Variants in RBFOX1 observed in about 807,000 individuals in gnomAD.
The protein encoded by RBFOX1 is RNA binding protein fox-1 homolog 1.
Under a neutral mutation model 57.7 loss-of-function variants are expected in RBFOX1, and 8 were observed. That is an observed-to-expected ratio of 0.14 (90% confidence interval 0.08 to 0.25). RBFOX1 has a LOEUF of 0.25. RBFOX1 is among the 10% of genes least tolerant of loss of function. RBFOX1 has a pLI of 1.00. For missense variants in RBFOX1, 611 were observed against 548.5 expected, an observed-to-expected ratio of 1.11 and a Z score of -1.14; for synonymous variants, 326 against 222.4, an observed-to-expected ratio of 1.47 and a Z score of -4.15.
chr16:6,687,888 G>GT (rs1206211674), intron 3 of RBFOX1, among the ~76,000 whole-genome samples: 1 of 152,202 alleles, frequency 6.6e-6, no homozygotes, highest in Non-Finnish European at 1.5e-5. Flanking sequence ...TGATGACACA[G>GT]TGAATGCATG....
At chr16:5,597,705 C>A (rs182179396) in intron 2 of RBFOX1, among the ~76,000 whole-genome samples, 2 of 152,254 alleles carry the variant, frequency 1.3e-5, no homozygotes, top group Non-Finnish European at 2.9e-5. Context: ...ATTGCTGACA[C>A]TTTTGAGGCA....
At chr16:7,554,122 A>G (rs898580299) in intron 5 of RBFOX1, among the ~76,000 whole-genome samples, 2 of 152,182 alleles carry the variant, frequency 1.3e-5, no homozygotes, top group African/African-American at 2.4e-5. Context: ...AAAGAAGACA[A>G]TGACCCAGAT....
At chr16:7,029,052 A>G (rs1388422164) in intron 3 of RBFOX1, among the ~76,000 whole-genome samples, 1 of 18,768 alleles carries the variant, frequency 5.3e-5, no homozygotes, top group African/African-American at 2.3e-4. Context: ...AAAGCTATAT[A>G]TATATATATA....
rs893092426 is a variant in RBFOX1, at chr16:5,848,558, C to G, written c.319-18745C>G. Among the ~76,000 whole-genome samples the G allele has an allele frequency of 2.6e-5, 4 of 152,134 alleles. No homozygotes were observed. In the East Asian group the frequency reaches 5.8e-4, roughly 22 times the overall value. ...AAAGTTTATACCCAGCACAATCATC[C>G]TAATTGTAACGGATGAGTAGTGATT... On this transcript the variant is annotated intron_variant, in intron 3 of 19. Transcript: ENST00000641259.
At chr16:6,671,909 AG>A (rs1053720311) in intron 3 of RBFOX1, among the ~76,000 whole-genome samples, 2 of 152,248 alleles carry the variant, frequency 1.3e-5, no homozygotes, top group Admixed American at 1.3e-4. Context: ...TCACACGCCA[AG>A]TTGCCTTTAA....
intron 3 of RBFOX1, among the ~76,000 whole-genome samples, chr16:5,736,441 G>T (rs2052574710): frequency 6.6e-6 from 1 of 151,836 alleles, no homozygotes; most frequent in Non-Finnish European, 1.5e-5. Context: ...GGCCATATGG[G>T]GCTGCTGCTT....
At chr16:6,169,935 T>C (rs2096946682) in intron 1 of RBFOX1, among the ~76,000 whole-genome samples, 1 of 152,130 alleles carries the variant, frequency 6.6e-6, no homozygotes, top group Non-Finnish European at 1.5e-5. Flanking sequence ...TGACTAGTTT[T>C]TGTATTTTTT....
chr16:5,940,182 G>A (rs1173506585), intron 4 of RBFOX1, among the ~76,000 whole-genome samples: 3 of 152,186 alleles, frequency 2.0e-5, no homozygotes, highest in African/African-American at 7.2e-5. Context: ...TTGGAATGAT[G>A]GAGACACTAG....
chr16:7,630,481 C>G, intron 10 of RBFOX1, 122 bp from the exon 11 acceptor site: 1 of 1,531,496 alleles, frequency 6.5e-7, no homozygotes, highest in East Asian at 2.4e-5. Flanking sequence ...GTACCCTTGT[C>G]CTGCGCTCTG....
At position 5,319,146 on chromosome 16, in the gene RBFOX1, C is replaced by CAAACAAAA. The variant is rs546720451; in HGVS notation, c.219+79047_219+79054dup. On this transcript the variant is annotated intron_variant, in intron 1 of 2. Transcript: ENST00000585867. ...TGTCTCAAACAAACAAACAAACAAA[C>CAAACAAAA]AAACAAAAAAACATAAAAAACCAGA... 7.3e-3 allele frequency among the ~76,000 whole-genome samples: 1,096 copies of CAAACAAAA among 150,798 alleles called. 10 individuals are homozygous for CAAACAAAA. Among genetic ancestry groups the CAAACAAAA allele is most frequent in the African/African-American group, 0.026 (1,049 of 40,304 alleles).
At position 5,822,027 on chromosome 16, in the gene RBFOX1, C is replaced by G. The variant is rs140084093; in HGVS notation, c.319-45276C>G. 5.5e-4 allele frequency among the ~76,000 whole-genome samples: 84 copies of G among 152,310 alleles called. 1 individual carries two copies. The highest frequency in any genetic ancestry group is 9.6e-4 in the Non-Finnish European group (65 of 68,022). ...CAGGTATGAACACTTAACGTAAGAT[C>G]TATCCTTTTAGCAAATTAAAAAGAA... On this transcript the variant is annotated intron_variant, in intron 3 of 19. Transcript: ENST00000641259.
At chr16:6,533,403 T>A (rs140977159) in intron 2 of RBFOX1, among the ~76,000 whole-genome samples, 1 of 152,318 alleles carries the variant, frequency 6.6e-6, no homozygotes, top group African/African-American at 2.4e-5. Flanking sequence ...CTGCTAAGGA[T>A]GCTGTTACCA....
At chr16:7,433,782 CCAGCCAGCCAGA>C (rs2098701026) in intron 4 of RBFOX1, among the ~76,000 whole-genome samples, 1 of 152,144 alleles carries the variant, frequency 6.6e-6, no homozygotes. Context: ...ATCCATCCAG[CCAGCCAGCCAGA>C]CAGCTAGCCA....
chr16:7,240,578 A>G (rs547291067), intron 4 of RBFOX1, among the ~76,000 whole-genome samples: 4 of 152,050 alleles, frequency 2.6e-5, no homozygotes, highest in African/African-American at 9.6e-5. Flanking sequence ...GTTTTGAGAC[A>G]GGGTCTCACT....
intron 2 of RBFOX1, among the ~76,000 whole-genome samples, chr16:6,452,308 A>G (rs939024846): frequency 4.8e-5 from 7 of 147,222 alleles, no homozygotes; most frequent in African/African-American, 1.8e-4. Flanking sequence ...GCATCCTTTC[A>G]TGACTCTATC....
At chr16:7,361,468 C>T (rs575170948) in intron 4 of RBFOX1, among the ~76,000 whole-genome samples, 4 of 152,202 alleles carry the variant, frequency 2.6e-5, no homozygotes, top group African/African-American at 9.6e-5. Context: ...TGAGGGTTAC[C>T]TGGTCCCCTG....
chr16:5,688,678 C>T (rs1012225437), intron 3 of RBFOX1, among the ~76,000 whole-genome samples: 1 of 152,136 alleles, frequency 6.6e-6, no homozygotes, highest in Non-Finnish European at 1.5e-5. Flanking sequence ...CCCAGAGTCT[C>T]ACATGTAAAT....
intron 1 of RBFOX1, among the ~76,000 whole-genome samples, chr16:6,300,339 C>CA (rs2078665145): frequency 6.6e-6 from 1 of 152,162 alleles, no homozygotes; most frequent in South Asian, 2.1e-4. Context: ...GTTCTCACCA[C>CA]AAAAAAGATA....
intron 4 of RBFOX1, among the ~76,000 whole-genome samples, chr16:5,889,228 T>C (rs1358444984): frequency 1.3e-5 from 2 of 152,184 alleles, no homozygotes; most frequent in Non-Finnish European, 2.9e-5. Context: ...TTCCTCCTGA[T>C]GCTCTCCCTC....
Sources: allele counts gnomAD v4.1 joint callset (sites outside exome capture counted in the v4.1 genomes callset), GRCh38; gene constraint gnomAD v4.1.1; transcripts MANE v1.5; gene names NCBI Gene and HGNC (gene_info 2026-07-23, HGNC 2026-07-21).